Variants in DKK2 observed in about 807,000 individuals in gnomAD.
DKK2 encodes the protein dickkopf Wnt signaling pathway inhibitor 2.
A neutral mutation model predicts 28.1 loss-of-function variants in DKK2; 11 were observed. The observed-to-expected ratio is 0.39, with a 90% confidence interval of 0.25 to 0.65. DKK2 has a LOEUF of 0.65. Among genes scored for constraint, DKK2 ranks in the 30% least tolerant of loss-of-function variants. The pLI, the probability that DKK2 is intolerant of heterozygous loss-of-function variation, is 0.47. For missense variants in DKK2, 326 were observed against 335.5 expected (o/e 0.97, Z 0.22); for synonymous variants, 135 against 126.5 (o/e 1.07, Z -0.45).
At chr4:106,994,115 A>T (rs778434476) in intron 1 of DKK2, among the ~76,000 whole-genome samples, 3 of 152,336 alleles carry the variant, frequency 2.0e-5, no homozygotes, top group South Asian at 4.1e-4. Context: ...TAAACTGCCA[A>T]CAGACACTGT....
At position 107,035,726 on chromosome 4, in the gene DKK2, T is replaced by G; in HGVS notation, c.-135A>C. 1 of 856,788 alleles carries G rather than the reference T, an allele frequency of 1.2e-6. No individual in the cohort carries two copies. The highest frequency in any genetic ancestry group is 1.8e-6 in the Non-Finnish European group (1 of 552,840). 53.1% of individuals were successfully genotyped at this position (856,788 alleles called of 1,614,324 possible). A position where few individuals can be genotyped will look rare whatever the true frequency, so the allele number is the denominator to read the frequency against. Reference sequence around the variant, plus strand: ...ATTGTGTTCCCTCAACCCTTCCTGGTTCGGGGACCCAGGACCCTATGAACT... The same window carrying G: ...ATTGTGTTCCCTCAACCCTTCCTGGGTCGGGGACCCAGGACCCTATGAACT... On this transcript the variant is annotated 5_prime_UTR_variant, in exon 1 of 4. Coordinates refer to ENST00000285311, the MANE Select transcript of DKK2 (RefSeq NM_014421.3).
intron 1 of DKK2, among the ~76,000 whole-genome samples, chr4:107,017,675 G>C (rs1347994482): frequency 1.3e-5 from 2 of 149,462 alleles, no homozygotes; most frequent in Non-Finnish European, 2.9e-5. Context: ...GCTCTGCACT[G>C]AGAAATATTT....
At chr4:106,928,048 G>C (rs763412695) in intron 1 of DKK2, among the ~76,000 whole-genome samples, 1 of 152,020 alleles carries the variant, frequency 6.6e-6, no homozygotes, top group Non-Finnish European at 1.5e-5. Flanking sequence ...TTTATTTTCT[G>C]GTTGTTTGGT....
intron 1 of DKK2, among the ~76,000 whole-genome samples, chr4:107,009,511 G>A (rs1244155661): frequency 6.6e-6 from 1 of 151,886 alleles, no homozygotes; most frequent in Non-Finnish European, 1.5e-5. Flanking sequence ...CTAGATATCT[G>A]CAGCTGGGAG....
At position 106,998,291 on chromosome 4, in the gene DKK2, C is replaced by G. The variant is rs557346997; in HGVS notation, c.222+37079G>C. ...ATCTCAAAATGTGGTAGCTCTCAAT[C>G]TGGCCCCAAAACAAGTGATTTTGCT... On this transcript the variant is annotated intron_variant, in intron 1 of 3. Coordinates refer to ENST00000285311, the MANE Select transcript of DKK2 (RefSeq NM_014421.3). Among the ~76,000 whole-genome samples the G allele has an allele frequency of 1.1e-3, 163 of 152,286 alleles. 5 individuals carry two copies. In the South Asian group the frequency reaches 0.021, roughly 20 times the overall value.
In DKK2 at chr4:106,927,979, TCCCC is replaced by T. The variant is rs938671539; in HGVS notation, c.223-2034_223-2031del. Among the ~76,000 whole-genome samples, 3 of 152,194 alleles carry T rather than the reference TCCCC, an allele frequency of 2.0e-5. No homozygotes were observed. In the East Asian group the frequency reaches 5.8e-4, roughly 29 times the overall value. Reference sequence around the variant, plus strand: ...GAGTATAGGATAATCCTGGATTCCATCCCCCCAAAATAGTCCACAGGATACACTA... The same window carrying T: ...GAGTATAGGATAATCCTGGATTCCATCCAAAATAGTCCACAGGATACACTA... On this transcript the variant is annotated intron_variant, in intron 1 of 3. Coordinates refer to ENST00000285311, the MANE Select transcript of DKK2 (RefSeq NM_014421.3).
intron 1 of DKK2, among the ~76,000 whole-genome samples, chr4:106,960,450 A>G (rs1313274167): frequency 3.9e-5 from 6 of 152,110 alleles, no homozygotes; most frequent in African/African-American, 1.2e-4. Context: ...CTAAAAGATG[A>G]AAAACTAACT....
At chr4:106,935,752 C>A (rs1189893530) in intron 1 of DKK2, among the ~76,000 whole-genome samples, 3 of 152,320 alleles carry the variant, frequency 2.0e-5, no homozygotes, top group East Asian at 3.9e-4. Context: ...GTTCTCCCAG[C>A]ACGCAGCTGG....
At chr4:107,018,985 G>A (rs984577214) in intron 1 of DKK2, among the ~76,000 whole-genome samples, 2 of 151,916 alleles carry the variant, frequency 1.3e-5, no homozygotes, top group African/African-American at 2.4e-5. Flanking sequence ...TGTTGGTGGT[G>A]GTTTTTAGTT....
chr4:107,025,567 A>C (rs1723766216), intron 1 of DKK2, among the ~76,000 whole-genome samples: 1 of 152,176 alleles, frequency 6.6e-6, no homozygotes, highest in African/African-American at 2.4e-5. Flanking sequence ...GCACTTGGAA[A>C]AAGGACAAGC....
chr4:106,961,341 T>C (rs1722681666), intron 1 of DKK2, among the ~76,000 whole-genome samples: 4 of 152,164 alleles, frequency 2.6e-5, no homozygotes. Flanking sequence ...TTGTCTCTTT[T>C]ACAAAATTAT....
At chr4:107,022,320 G>T (rs1159234667) in intron 1 of DKK2, among the ~76,000 whole-genome samples, 7 of 152,086 alleles carry the variant, frequency 4.6e-5, no homozygotes, top group African/African-American at 1.7e-4. Flanking sequence ...CACTTAAGAA[G>T]TAAGCAATTA....
At chr4:106,932,443 A>G (rs908078113) in intron 1 of DKK2, among the ~76,000 whole-genome samples, 2 of 152,302 alleles carry the variant, frequency 1.3e-5, no homozygotes, top group South Asian at 4.1e-4. Flanking sequence ...CTTGGAACAT[A>G]GACCACATTC....
At chr4:106,935,992 T>C (rs531508838) in intron 1 of DKK2, among the ~76,000 whole-genome samples, 1,696 of 151,768 alleles carry the variant, frequency 0.011, 38 homozygotes, top group African/African-American at 0.039. Flanking sequence ...AGACCAAAAG[T>C]AGATAAAACC....
chr4:107,034,836 G>A (rs116098383), intron 1 of DKK2, among the ~76,000 whole-genome samples: 1 of 152,126 alleles, frequency 6.6e-6, no homozygotes, highest in Non-Finnish European at 1.5e-5. Context: ...TCAATGTCTA[G>A]ACTGAAATCC....
chr4:106,978,333 C>T (rs952080428), intron 1 of DKK2, among the ~76,000 whole-genome samples: 1 of 152,188 alleles, frequency 6.6e-6, no homozygotes, highest in African/African-American at 2.4e-5. Flanking sequence ...GCGGAAGCTG[C>T]GCCCACAGCC....
chr4:106,967,384 C>T (rs1722798422), intron 1 of DKK2, among the ~76,000 whole-genome samples: 2 of 152,028 alleles, frequency 1.3e-5, no homozygotes, highest in Admixed American at 1.3e-4. Flanking sequence ...TAGGAGTTAC[C>T]TAGTTGCAAT....
intron 1 of DKK2, among the ~76,000 whole-genome samples, chr4:107,011,199 T>C (rs896951774): frequency 6.6e-6 from 1 of 151,558 alleles, no homozygotes; most frequent in South Asian, 2.1e-4. Flanking sequence ...AGTTGCAATA[T>C]GGAATCTGAA....
At chr4:107,024,481 C>G (rs534873521) in intron 1 of DKK2, among the ~76,000 whole-genome samples, 1 of 152,122 alleles carries the variant, frequency 6.6e-6, no homozygotes, top group Admixed American at 6.6e-5. Context: ...AAAAAAACTT[C>G]TATTTTCAAT....
Sources: gnomAD v4.1 joint callset for allele counts (sites outside exome capture counted in the v4.1 genomes callset) on GRCh38, gnomAD v4.1.1 for gene constraint, MANE v1.5 for transcripts, NCBI Gene and HGNC (gene_info 2026-07-23, HGNC 2026-07-21) for gene names.